Variants in NRDC observed in about 807,000 individuals in gnomAD.
NRDC encodes the protein nardilysin.
Under a neutral mutation model 147.1 loss-of-function variants are expected in NRDC, and 54 were observed. That is an observed-to-expected ratio of 0.37 (90% CI 0.29 to 0.46). The LOEUF (loss-of-function observed/expected upper bound fraction) is 0.46, where lower values mean the gene tolerates loss of function less well. Among genes scored for constraint, NRDC ranks in the 20% least tolerant of loss-of-function variants. The pLI is 1.00. For missense variants in NRDC, 1,082 were observed against 1,370.6 expected (o/e 0.79, Z 3.33); for synonymous variants, 440 against 482.1 (o/e 0.91, Z 1.14).
At chr1:51,876,494 A>G (rs1038801695) in intron 1 of NRDC, among the ~76,000 whole-genome samples, 1 of 152,232 alleles carries the variant, frequency 6.6e-6, no homozygotes, top group African/African-American at 2.4e-5. Context: ...GTTTGTGTAC[A>G]TGAACCAACC....
Position 51,815,576 on chromosome 1 carries a change from C to T in NRDC, c.1439+736G>A, listed in dbSNP as rs796388637. Among the ~76,000 whole-genome samples, 18 of 152,260 alleles carry T rather than the reference C, an allele frequency of 1.2e-4. 1 individual carries two copies. The highest frequency in any genetic ancestry group is 4.1e-4 in the African/African-American group (17 of 41,554). ...GTTGTGCACAGCTCAAAGCATATAACATATATTGTGTAAGGTACATATGAA... is the reference window on the plus strand; with the variant it reads ...GTTGTGCACAGCTCAAAGCATATAATATATATTGTGTAAGGTACATATGAA... On this transcript the variant is annotated intron_variant, in intron 11 of 30. Coordinates refer to ENST00000352171, the MANE Select transcript of NRDC (RefSeq NM_001101662.2).
chr1:51,863,360 C>T (rs891768998), intron 1 of NRDC, among the ~76,000 whole-genome samples: 2 of 152,184 alleles, frequency 1.3e-5, no homozygotes, highest in East Asian at 1.9e-4. Flanking sequence ...CAAGATTGCA[C>T]TGCTGTACTC....
At chr1:51,821,775 T>C (rs1370573088) in intron 7 of NRDC, among the ~76,000 whole-genome samples, 1 of 152,132 alleles carries the variant, frequency 6.6e-6, no homozygotes, top group African/African-American at 2.4e-5. Context: ...CCTTTATTTC[T>C]CCCTGGTAAA....
intron 19 of NRDC, 133 bp from the exon 20 acceptor site, chr1:51,804,097 T>A: frequency 1.4e-6 from 1 of 720,758 alleles, no homozygotes; most frequent in Non-Finnish European, 2.2e-6. Context: ...TAAAAGGTAA[T>A]ACAGCTTACT....
intron 23 of NRDC, 98 bp from the exon 24 acceptor site, chr1:51,794,708 A>T (rs867387973): frequency 1.3e-6 from 2 of 1,584,024 alleles, no homozygotes; most frequent in Middle Eastern, 1.7e-4. Flanking sequence ...CCTCAAAAAA[A>T]TCTACTACAA....
Sources: allele counts gnomAD v4.1 joint callset (sites outside exome capture counted in the v4.1 genomes callset), GRCh38; gene constraint gnomAD v4.1.1; transcripts MANE v1.5; gene names NCBI Gene and HGNC (gene_info 2026-07-23, HGNC 2026-07-21).